Variants in TAFA4 observed in about 807,000 individuals in gnomAD.
TAFA4 encodes the protein TAFA chemokine like family member 4, also known as chemokine-like protein TAFA-4.
TAFA4 carries 20 observed loss-of-function variants against 21.1 expected under a neutral mutation model. The ratio of observed to expected loss-of-function variants is 0.95; its 90% CI spans 0.67 to 1.38. The LOEUF (loss-of-function observed/expected upper bound fraction) is 1.38, where lower values mean the gene tolerates loss of function less well. TAFA4 is among the 40% of genes most tolerant of loss of function. The pLI is 0.00. For missense variants in TAFA4, 211 were observed against 180.9 expected, an observed-to-expected ratio of 1.17 and a Z score of -0.95; for synonymous variants, 71 against 67.4, an observed-to-expected ratio of 1.05 and a Z score of -0.26.
At chr3:68,907,031 C>CAAAAAAA (rs34543200) in intron 1 of TAFA4, among the ~76,000 whole-genome samples, 3 of 53,924 alleles carry the variant, frequency 5.6e-5, no homozygotes, top group East Asian at 7.3e-4. Context: ...GAGCCCGTCT[C>CAAAAAAA]AAAAAAAAAA....
At chr3:68,919,044 C>T (rs965381622) in intron 1 of TAFA4, among the ~76,000 whole-genome samples, 1 of 152,164 alleles carries the variant, frequency 6.6e-6, no homozygotes, top group Admixed American at 6.5e-5. Context: ...ACTTAGTAGG[C>T]CTTCAATTCT....
chr3:68,911,825 C>T (rs986590680), intron 1 of TAFA4, among the ~76,000 whole-genome samples: 3 of 152,210 alleles, frequency 2.0e-5, no homozygotes, highest in Admixed American at 2.0e-4. Flanking sequence ...GCCAGTGGGG[C>T]TGCCAGGGCT....
chr3:68,763,665 C>T (rs368112805), intron 3 of TAFA4, among the ~76,000 whole-genome samples: 1 of 152,122 alleles, frequency 6.6e-6, no homozygotes, highest in South Asian at 2.1e-4. Context: ...TCTTCCCTTA[C>T]TACTCAAAAC....
At position 68,805,950 on chromosome 3, in the gene TAFA4, TATA is replaced by T. The variant is rs529187806; in HGVS notation, c.131-52935_131-52933del. On this transcript the variant is annotated intron_variant, in intron 3 of 5. Transcript: ENST00000295569. ...TGCACATGTACCCTAAAACTTAAAG[TATA>T]ATAATAACAAAATTTTTTTTAAAAA... 4.2e-3 allele frequency among the ~76,000 whole-genome samples: 636 copies of T among 151,716 alleles called. 2 individuals carry two copies. The highest frequency in any genetic ancestry group is 0.015 in the African/African-American group (605 of 41,336).
intron 1 of TAFA4, among the ~76,000 whole-genome samples, chr3:68,909,873 C>G (rs1304943015): frequency 6.6e-6 from 1 of 152,290 alleles, no homozygotes; most frequent in East Asian, 1.9e-4. Context: ...TCTCAAGAAG[C>G]TGCACTCAAG....
chr3:68,878,909 G>C (rs1340042597), intron 3 of TAFA4, among the ~76,000 whole-genome samples: 1 of 152,058 alleles, frequency 6.6e-6, no homozygotes, highest in African/African-American at 2.4e-5. Flanking sequence ...TTACATCTCT[G>C]ATACACACCT....
intron 3 of TAFA4, among the ~76,000 whole-genome samples, chr3:68,840,853 A>T (rs571715659): frequency 1.3e-5 from 2 of 152,320 alleles, no homozygotes; most frequent in Admixed American, 6.5e-5. Context: ...GGCTAGACTA[A>T]CCAACCACTC....
rs2089814035 is a variant in TAFA4 at position 68,898,506 on chromosome 3, C to T, written c.-122-13196G>A. On this transcript the variant is annotated intron_variant, in intron 1 of 5. Transcript: ENST00000295569. The stretch of plus-strand genomic sequence containing the variant: ...TACTAAAAACACAAAATTAGCCAGG[C>T]ATAGTGGCATGCGCCTATACTCCCA... Among the ~76,000 whole-genome samples, 3 of 152,242 alleles carry T rather than the reference C, an allele frequency of 2.0e-5. No individual in the cohort carries two copies. In the South Asian group the frequency reaches 6.2e-4, roughly 32 times the overall value.
intron 1 of TAFA4, among the ~76,000 whole-genome samples, chr3:68,899,488 T>C (rs2089824000): frequency 6.6e-6 from 1 of 152,048 alleles, no homozygotes; most frequent in African/African-American, 2.4e-5. Flanking sequence ...TTGACTCAGA[T>C]AAAGGCCTAG....
chr3:68,866,312 G>A (rs148396963), intron 3 of TAFA4, among the ~76,000 whole-genome samples: 137 of 152,006 alleles, frequency 9.0e-4, no homozygotes, highest in Non-Finnish European at 1.6e-3. Context: ...TTCAAGACTG[G>A]CAGAGCTCTG....
intron 1 of TAFA4, among the ~76,000 whole-genome samples, chr3:68,902,747 A>G (rs1041637434): frequency 6.6e-6 from 1 of 152,106 alleles, no homozygotes; most frequent in African/African-American, 2.4e-5. Context: ...CCTTATATGT[A>G]TATATTTTTG....
At chr3:68,925,961 G>T (rs1029751189) in intron 1 of TAFA4, among the ~76,000 whole-genome samples, 3 of 152,238 alleles carry the variant, frequency 2.0e-5, no homozygotes, top group Non-Finnish European at 4.4e-5. Context: ...GCCGGGCACA[G>T]TGGCTCATGC....
rs1299607065 is a variant in TAFA4 at position 68,875,244 on chromosome 3, A to T, written c.130+5486T>A. 5.3e-4 allele frequency among the ~76,000 whole-genome samples: 78 copies of T among 147,252 alleles called. 1 individual carries two copies. Among genetic ancestry groups the T allele is most frequent in the Non-Finnish European group, 9.0e-5 (6 of 66,918 alleles). Reference sequence around the variant, plus strand: ...AAACTTCCAGTTTTTTTTTTTTTTTAACTTCTGAATCATTTGTTCTCATCT... The same window carrying T: ...AAACTTCCAGTTTTTTTTTTTTTTTTACTTCTGAATCATTTGTTCTCATCT... On this transcript the variant is annotated intron_variant, in intron 3 of 5. Coordinates refer to ENST00000295569, the MANE Select transcript of TAFA4 (RefSeq NM_182522.5).
rs386396961 is a variant in TAFA4 at position 68,803,797 on chromosome 3, C to CTTTTTTTTTT, written c.131-50789_131-50780dup. 3.6e-3 allele frequency among the ~76,000 whole-genome samples: 291 copies of CTTTTTTTTTT among 81,612 alleles called. 21 individuals carry two copies. The highest frequency in any genetic ancestry group is 0.011 in the East Asian group (24 of 2,170). The allele number at this position is 81,612 out of a possible 152,430, so 53.5% of individuals were successfully genotyped here. A position where few individuals can be genotyped will look rare whatever the true frequency, so the allele number is the denominator to read the frequency against. ...TTTAAGGGTCTCTACATCTCTGATT[C>CTTTTTTTTTT]TTTTTTTTTTTTTTTTTTTTTTTGT... is the stretch of plus-strand genomic sequence containing the variant. On this transcript the variant is annotated intron_variant, in intron 3 of 5. Transcript: ENST00000295569.
rs779507574 is a variant in TAFA4 at position 68,885,203 on chromosome 3, G to A, written c.-15C>T. 1 of 1,611,786 alleles carries A rather than the reference G, an allele frequency of 6.2e-7. No individual in the cohort carries two copies. The highest frequency in any genetic ancestry group is 1.1e-5 in the South Asian group (1 of 90,788). Reference sequence around the variant, plus strand: ...GGGGACCTCATAAGATGTGGTTCTAGTCAAACACACTTATTCCAGGATATA... The same window carrying A: ...GGGGACCTCATAAGATGTGGTTCTAATCAAACACACTTATTCCAGGATATA... On this transcript the variant is annotated 5_prime_UTR_variant, in exon 2 of 6. Transcript: ENST00000295569.
chr3:68,759,029 G>A (rs1429256027), intron 3 of TAFA4, among the ~76,000 whole-genome samples: 2 of 152,300 alleles, frequency 1.3e-5, no homozygotes, highest in African/African-American at 2.4e-5. Context: ...TGAGAACCAG[G>A]AGAGCCAATG....
intron 3 of TAFA4, among the ~76,000 whole-genome samples, chr3:68,755,342 G>A (rs936936476): frequency 1.4e-4 from 21 of 152,314 alleles, no homozygotes; most frequent in Admixed American, 3.9e-4. Flanking sequence ...GGAAGATCAG[G>A]AGTTTGTAGA....
rs1254715216 is a variant in TAFA4 at position 68,848,289 on chromosome 3, A to G, written c.130+32441T>C. ...CCTGTCCAGCATTTCCTGATGTCCT[A>G]CCTCATACATGGCTCTAAGGCTAGG... On this transcript the variant is annotated intron_variant, in intron 3 of 5. Transcript: ENST00000295569. 2.0e-5 allele frequency among the ~76,000 whole-genome samples: 3 copies of G among 152,144 alleles called. No homozygotes were observed. The East Asian group carries it at 5.8e-4, about 29-fold the overall frequency.
intron 4 of TAFA4, among the ~76,000 whole-genome samples, chr3:68,747,982 T>C (rs1184150364): frequency 6.6e-6 from 1 of 152,124 alleles, no homozygotes; most frequent in Non-Finnish European, 1.5e-5. Flanking sequence ...GTTCCCTGAC[T>C]CCCTCCACCA....
Sources: allele counts gnomAD v4.1 joint callset (sites outside exome capture counted in the v4.1 genomes callset), GRCh38; gene constraint gnomAD v4.1.1; transcripts MANE v1.5; gene names NCBI Gene and HGNC (gene_info 2026-07-23, HGNC 2026-07-21).